Variants in AGFG1 observed in about 807,000 individuals in gnomAD.
The protein encoded by AGFG1 is arf-GAP domain and FG repeat-containing protein 1.
In AGFG1, 10 loss-of-function variants were observed where a neutral mutation model predicts 60.6. The ratio of observed to expected loss-of-function variants is 0.16; its 90% CI spans 0.10 to 0.28. The LOEUF is 0.28. AGFG1 is among the 10% of genes least tolerant of loss of function. The pLI, the probability that AGFG1 is intolerant of heterozygous loss-of-function variation, is 1.00. For missense variants in AGFG1, 537 were observed against 676.5 expected, an observed-to-expected ratio of 0.79 and a Z score of 2.29; for synonymous variants, 247 against 242.9, an observed-to-expected ratio of 1.02 and a Z score of -0.16.
intron 2 of AGFG1, among the ~76,000 whole-genome samples, chr2:227,503,108 C>T (rs1354141086): frequency 1.3e-5 from 2 of 151,968 alleles, no homozygotes; most frequent in Non-Finnish European, 2.9e-5. Context: ...TGGTGTGCAC[C>T]TGTATTCCCA....
At chr2:227,533,287 C>CA (rs1366247632) in intron 6 of AGFG1, among the ~76,000 whole-genome samples, 1 of 151,362 alleles carries the variant, frequency 6.6e-6, no homozygotes, top group Non-Finnish European at 1.5e-5. Flanking sequence ...GTGGAGATAC[C>CA]CCTCCATGAA....
chr2:227,507,983 G>A (rs895929353), intron 2 of AGFG1, among the ~76,000 whole-genome samples: 1 of 150,870 alleles, frequency 6.6e-6, no homozygotes, highest in African/African-American at 2.4e-5. Flanking sequence ...TTACCTAGAA[G>A]AGCTTTGCCT....
intron 1 of AGFG1, among the ~76,000 whole-genome samples, chr2:227,489,052 T>G (rs567749294): frequency 1.3e-5 from 2 of 152,070 alleles, no homozygotes; most frequent in East Asian, 3.9e-4. Context: ...TGACCTCAAG[T>G]GATCTTTCCA....
At chr2:227,530,429 A>C (rs1259803139) in intron 5 of AGFG1, among the ~76,000 whole-genome samples, 1 of 152,138 alleles carries the variant, frequency 6.6e-6, no homozygotes. Context: ...CCTATTTAAT[A>C]GGTATTCTAT....
intron 2 of AGFG1, among the ~76,000 whole-genome samples, chr2:227,511,345 C>T (rs1444358532): frequency 6.6e-6 from 1 of 152,174 alleles, no homozygotes; most frequent in Non-Finnish European, 1.5e-5. Context: ...GGTTGGCACA[C>T]TTTTTCTGTG....
intron 1 of AGFG1, among the ~76,000 whole-genome samples, chr2:227,490,932 TC>T (rs1690799188): frequency 1.3e-5 from 2 of 152,196 alleles, no homozygotes. Context: ...TTGAATCTCT[TC>T]CGTATGTCCC....
At chr2:227,539,765 AAAAG>A (rs1160021902) in intron 10 of AGFG1, among the ~76,000 whole-genome samples, 1 of 151,558 alleles carries the variant, frequency 6.6e-6, no homozygotes, top group African/African-American at 2.4e-5. Context: ...AAAAAAAAAA[AAAAG>A]GAGGTACCCT....
chr2:227,547,539 C>T (rs1333212032), intron 10 of AGFG1, among the ~76,000 whole-genome samples: 4 of 152,084 alleles, frequency 2.6e-5, no homozygotes, highest in Non-Finnish European at 5.9e-5. Flanking sequence ...TTTGCAAATC[C>T]TACATCTGAT....
At chr2:227,521,653 C>T (rs918326850) in intron 3 of AGFG1, among the ~76,000 whole-genome samples, 2 of 152,182 alleles carry the variant, frequency 1.3e-5, no homozygotes, top group African/African-American at 4.8e-5. Flanking sequence ...TTTGTTTTCT[C>T]AGCCGTGTTA....
chr2:227,504,259 C>A (rs1559176690), intron 2 of AGFG1, among the ~76,000 whole-genome samples: 1 of 150,782 alleles, frequency 6.6e-6, no homozygotes, highest in Non-Finnish European at 1.5e-5. Context: ...GTGGCTGGAT[C>A]ATGGCTTACT....
In AGFG1 at chr2:227,523,651, A is replaced by G. The variant is rs559932662; in HGVS notation, c.378-112A>G. The G allele has an allele frequency of 7.5e-5, 79 of 1,053,688 alleles. No homozygotes were observed. In the African/African-American group the frequency reaches 1.2e-3, roughly 16 times the overall value. The allele number at this position is 1,053,688 out of a possible 1,614,324, so 65.3% of individuals were successfully genotyped here. A position where few individuals can be genotyped will look rare whatever the true frequency, so the allele number is the denominator to read the frequency against. ...AGTTATTCTGTGTGAGAGGGTTTTC[A>G]GATAAGATTAATGGTGAAACAATCT... On this transcript the variant is annotated intron_variant, in intron 3 of 12. Coordinates refer to ENST00000310078, the MANE Select transcript of AGFG1 (RefSeq NM_004504.5).
intron 1 of AGFG1, among the ~76,000 whole-genome samples, chr2:227,474,915 C>G (rs1454439334): frequency 6.6e-6 from 1 of 152,062 alleles, no homozygotes; most frequent in African/African-American, 2.4e-5. Context: ...TAAGATTTCC[C>G]TTGTAAGTTT....
rs184087385 is a variant in AGFG1 at position 227,491,894 on chromosome 2, G to A, written c.261+254G>A. On this transcript the variant is annotated intron_variant, in intron 2 of 12. Coordinates refer to ENST00000310078, the MANE Select transcript of AGFG1 (RefSeq NM_004504.5). ...GTCATCAGTCTTGAATATAAAAGGC[G>A]TTTCGGAGGACACCCATTATTACAG... is the stretch of plus-strand genomic sequence containing the variant. Among the ~76,000 whole-genome samples the A allele has an allele frequency of 1.6e-3, 236 of 152,208 alleles. 1 individual carries two copies. The highest frequency in any genetic ancestry group is 4.9e-3 in the African/African-American group (203 of 41,518).
At position 227,560,123 on chromosome 2, in the gene AGFG1, T is replaced by C. The variant is rs2106254291; in HGVS notation, c.*5628T>C. 1 of 152,256 alleles carries C rather than the reference T, an allele frequency of 6.6e-6. No individual in the cohort carries two copies. Among genetic ancestry groups the C allele is most frequent in the South Asian group, 2.1e-4 (1 of 4,830 alleles). The allele number at this position is 152,256 out of a possible 1,614,324, so 9.4% of individuals were successfully genotyped here. On this transcript the variant is annotated 3_prime_UTR_variant, in exon 13 of 13. Transcript: ENST00000310078. The stretch of plus-strand genomic sequence containing the variant: ...CTGTTCTTATTTTAAATGTTCAAGT[T>C]TGTGACTTGGTTCTTGTTTAACTTG...
At position 227,559,352 on chromosome 2, in the gene AGFG1, CTTA is replaced by C. The variant is rs1183277750; in HGVS notation, c.*4859_*4861del. On this transcript the variant is annotated 3_prime_UTR_variant, in exon 13 of 13. Coordinates refer to ENST00000310078, the MANE Select transcript of AGFG1 (RefSeq NM_004504.5). ...ATAGTGAAGGTAGGAAATAGCTCTT[CTTA>C]TGCCACATCTTAGTCTGATTTTGAA... The C allele has an allele frequency of 1.3e-5, 2 of 152,184 alleles. No homozygotes were observed. Among genetic ancestry groups the C allele is most frequent in the African/African-American group, 4.8e-5 (2 of 41,448 alleles). 9.4% of individuals were successfully genotyped at this position (152,184 alleles called of 1,614,324 possible).
intron 5 of AGFG1, among the ~76,000 whole-genome samples, chr2:227,528,897 T>C (rs1692073816): frequency 6.6e-6 from 1 of 152,224 alleles, no homozygotes; most frequent in African/African-American, 2.4e-5. Flanking sequence ...TATATTTTGA[T>C]CAGATTGATA....
At chr2:227,526,539 C>CTTTT (rs777649930) in intron 5 of AGFG1, among the ~76,000 whole-genome samples, 31 of 92,484 alleles carry the variant, frequency 3.4e-4, no homozygotes, top group African/African-American at 5.7e-4. Flanking sequence ...TGCCCAGCCT[C>CTTTT]TTTTTTTTTT....
chr2:227,492,685 A>AT lies in AGFG1; in HGVS notation c.261+1047dup, dbSNP rs1188659056. 3.9e-5 allele frequency among the ~76,000 whole-genome samples: 6 copies of AT among 152,228 alleles called. No homozygotes were observed. The East Asian group carries it at 1.2e-3, about 29-fold the overall frequency. On this transcript the variant is annotated intron_variant, in intron 2 of 12. Coordinates refer to ENST00000310078, the MANE Select transcript of AGFG1 (RefSeq NM_004504.5). ...TATGAAATATTTTTAAATATTTCAT[A>AT]TTAAATTATTTAAAGAAGAGAGCAC...
chr2:227,513,888 T>C (rs1158458936), intron 2 of AGFG1, among the ~76,000 whole-genome samples: 1 of 152,248 alleles, frequency 6.6e-6, no homozygotes, highest in Non-Finnish European at 1.5e-5. Flanking sequence ...GCCAGTTTAT[T>C]GAACACTTAA....
Sources: gnomAD v4.1 joint callset for allele counts (sites outside exome capture counted in the v4.1 genomes callset) on GRCh38, gnomAD v4.1.1 for gene constraint, MANE v1.5 for transcripts, NCBI Gene and HGNC (gene_info 2026-07-23, HGNC 2026-07-21) for gene names.